Variants in VMP1 observed in about 807,000 individuals in gnomAD.
VMP1 encodes the protein ectopic P-granules autophagy protein 3 homolog.
In VMP1, 11 loss-of-function variants were observed where a neutral mutation model predicts 56.0. That is an observed-to-expected ratio of 0.20 (90% CI 0.12 to 0.32). VMP1 has a LOEUF of 0.32. Among genes scored for constraint, VMP1 ranks in the 10% least tolerant of loss-of-function variants. The pLI, the probability that VMP1 is intolerant of heterozygous loss-of-function variation, is 1.00. For synonymous variants in VMP1, 149 were observed against 165.0 expected (o/e 0.90, Z 0.74); for missense variants, 296 against 490.3 (o/e 0.60, Z 3.74).
At chr17:59,833,111 A>C (rs1253225049) in intron 10 of VMP1, among the ~76,000 whole-genome samples, 3 of 152,012 alleles carry the variant, frequency 2.0e-5, no homozygotes, top group Admixed American at 6.6e-5. Context: ...TATTACTCCC[A>C]CCGTGTGTGC....
chr17:59,787,019 C>A (rs1196637690), intron 7 of VMP1, among the ~76,000 whole-genome samples: 1 of 152,164 alleles, frequency 6.6e-6, no homozygotes, highest in Admixed American at 6.5e-5. Context: ...GGTAGATAGT[C>A]TTTCACAGTT....
intron 6 of VMP1, among the ~76,000 whole-genome samples, chr17:59,772,458 A>G (rs2036460955): frequency 6.6e-6 from 1 of 151,900 alleles, no homozygotes; most frequent in Admixed American, 6.6e-5. Flanking sequence ...GAAATGCTTA[A>G]CATTGCTTTT....
chr17:59,829,335 G>T (rs2038741569), intron 10 of VMP1, among the ~76,000 whole-genome samples: 1 of 152,134 alleles, frequency 6.6e-6, no homozygotes, highest in South Asian at 2.1e-4. Context: ...ATGGCCTTTG[G>T]CTTCTTCAGA....
At chr17:59,811,093 G>T (rs894380363) in intron 8 of VMP1, among the ~76,000 whole-genome samples, 1 of 151,994 alleles carries the variant, frequency 6.6e-6, no homozygotes, top group African/African-American at 2.4e-5. Flanking sequence ...TTGGTCTCTC[G>T]TAAAATAAAA....
intron 7 of VMP1, among the ~76,000 whole-genome samples, chr17:59,777,642 T>C: frequency 6.6e-6 from 1 of 152,020 alleles, no homozygotes; most frequent in East Asian, 1.9e-4. Context: ...TGAAACCCCA[T>C]CTCTACTAAA....
chr17:59,746,431 C>G (rs917736037), intron 5 of VMP1, among the ~76,000 whole-genome samples: 3 of 152,204 alleles, frequency 2.0e-5, no homozygotes, highest in African/African-American at 7.2e-5. Context: ...CTCAGCCTCC[C>G]AAAGTACTGG....
intron 10 of VMP1, among the ~76,000 whole-genome samples, chr17:59,827,076 G>A (rs2038666178): frequency 6.6e-6 from 1 of 152,074 alleles, no homozygotes; most frequent in Non-Finnish European, 1.5e-5. Flanking sequence ...CCCTCTCCCA[G>A]CATCCTTCTA....
chr17:59,768,518 G>A (rs776323167), intron 6 of VMP1, among the ~76,000 whole-genome samples: 16 of 151,796 alleles, frequency 1.1e-4, no homozygotes, highest in Non-Finnish European at 2.1e-4. Flanking sequence ...CAGGAGAATC[G>A]CTTGAACCCA....
At chr17:59,767,389 T>C (rs944744629) in intron 6 of VMP1, among the ~76,000 whole-genome samples, 4 of 152,204 alleles carry the variant, frequency 2.6e-5, no homozygotes, top group African/African-American at 9.6e-5. Context: ...TTGTCATGTT[T>C]CCTGTTGCTC....
intron 7 of VMP1, among the ~76,000 whole-genome samples, chr17:59,779,973 T>C (rs1222774518): frequency 6.6e-6 from 1 of 152,224 alleles, no homozygotes; most frequent in East Asian, 1.9e-4. Context: ...TTGAAGACTT[T>C]GACCATTTCT....
At chr17:59,775,449 A>T (rs918326402) in intron 7 of VMP1, among the ~76,000 whole-genome samples, 4 of 151,756 alleles carry the variant, frequency 2.6e-5, no homozygotes, top group African/African-American at 9.7e-5. Flanking sequence ...TCAATCTCTC[A>T]AGTAGCTGGG....
intron 5 of VMP1, among the ~76,000 whole-genome samples, chr17:59,741,511 A>T (rs2035224398): frequency 6.6e-6 from 1 of 152,240 alleles, no homozygotes; most frequent in South Asian, 2.1e-4. Flanking sequence ...AAGGACAAAT[A>T]TGACAGAAAT....
At chr17:59,831,673 T>C (rs1224005962) in intron 10 of VMP1, among the ~76,000 whole-genome samples, 1 of 151,584 alleles carries the variant, frequency 6.6e-6, no homozygotes, top group African/African-American at 2.4e-5. Context: ...TTAGGTCTGT[T>C]TAACAGATTC....
At chr17:59,824,546 C>A (rs1229988695) in intron 10 of VMP1, among the ~76,000 whole-genome samples, 2 of 147,650 alleles carry the variant, frequency 1.4e-5, no homozygotes, top group Admixed American at 7.0e-5. Context: ...GCACTCCAGC[C>A]TCAGTGACAG....
intron 1 of VMP1, among the ~76,000 whole-genome samples, chr17:59,722,912 C>T (rs1280856546): frequency 1.3e-5 from 2 of 152,192 alleles, no homozygotes; most frequent in African/African-American, 4.8e-5. Flanking sequence ...ACTCCTAAAT[C>T]ACATTTTGGG....
At position 59,784,343 on chromosome 17, in the gene VMP1, T is replaced by C. The variant is rs558479390; in HGVS notation, c.714+10458T>C. Among the ~76,000 whole-genome samples, 6 of 152,238 alleles carry C rather than the reference T, an allele frequency of 3.9e-5. No homozygotes were observed. In the South Asian group the frequency reaches 8.3e-4, roughly 21 times the overall value. Reference sequence around the variant, plus strand: ...TTTCTTCCCATCTGCATGTCTACTTTTTCAGTTTTCTTACCTTTCAATTTA... The same window carrying C: ...TTTCTTCCCATCTGCATGTCTACTTCTTCAGTTTTCTTACCTTTCAATTTA... On this transcript the variant is annotated intron_variant, in intron 7 of 11. Transcript: ENST00000262291.
At chr17:59,821,786 G>A (rs2038464510) in intron 10 of VMP1, among the ~76,000 whole-genome samples, 2 of 151,544 alleles carry the variant, frequency 1.3e-5, no homozygotes, top group South Asian at 2.1e-4. Context: ...CTGACCTCAG[G>A]TGATCCACCT....
At chr17:59,739,969 C>T (rs2035165767) in intron 5 of VMP1, among the ~76,000 whole-genome samples, 1 of 149,744 alleles carries the variant, frequency 6.7e-6, no homozygotes, top group Non-Finnish European at 1.5e-5. Context: ...CCCAGCTACT[C>T]GGGAGGCTGA....
intron 5 of VMP1, among the ~76,000 whole-genome samples, chr17:59,757,350 T>C (rs905668189): frequency 6.6e-6 from 1 of 152,148 alleles, no homozygotes; most frequent in African/African-American, 2.4e-5. Flanking sequence ...TCTAAGTTTC[T>C]CTTAATTAGA....
Sources: allele counts gnomAD v4.1 joint callset (sites outside exome capture counted in the v4.1 genomes callset), GRCh38; gene constraint gnomAD v4.1.1; transcripts MANE v1.5; gene names NCBI Gene and HGNC (gene_info 2026-07-23, HGNC 2026-07-21).